Variants in EMSY observed in about 807,000 individuals in gnomAD.
The protein encoded by EMSY is EMSY transcriptional repressor, BRCA2 interacting, also known as BRCA2-interacting transcriptional repressor EMSY.
A neutral mutation model predicts 134.6 loss-of-function variants in EMSY; 26 were observed. That is an observed-to-expected ratio of 0.19 (90% CI 0.14 to 0.27). The LOEUF (loss-of-function observed/expected upper bound fraction) is 0.27. Among genes scored for constraint, EMSY ranks in the 10% least tolerant of loss-of-function variants. The pLI, the probability that EMSY is intolerant of heterozygous loss-of-function variation, is 1.00. For synonymous variants in EMSY, 579 were observed against 577.8 expected, an observed-to-expected ratio of 1.00 and a Z score of -0.03; for missense variants, 1,305 against 1,611.4, an observed-to-expected ratio of 0.81 and a Z score of 3.26.
chr11:76,490,834 T>C (rs964251946), intron 8 of EMSY, among the ~76,000 whole-genome samples: 1 of 152,096 alleles, frequency 6.6e-6, no homozygotes, highest in Non-Finnish European at 1.5e-5. Context: ...ATCTGGGTTC[T>C]GGATATGTTC....
intron 7 of EMSY, among the ~76,000 whole-genome samples, chr11:76,465,190 A>T (rs1486251379): frequency 6.6e-6 from 1 of 152,112 alleles, no homozygotes; most frequent in African/African-American, 2.4e-5. Context: ...TTATTTGCCT[A>T]TTGAACTGCC....
rs11236760 is a variant in EMSY at position 76,473,008 on chromosome 11, A to G, written c.1108+168A>G. 6.8e-3 allele frequency among the ~76,000 whole-genome samples: 1,038 copies of G among 152,270 alleles called. 11 individuals carry two copies. Among genetic ancestry groups the G allele is most frequent in the African/African-American group, 0.024 (982 of 41,552 alleles). On this transcript the variant is annotated intron_variant, in intron 8 of 20. Transcript: ENST00000334736. The stretch of plus-strand genomic sequence containing the variant: ...GAATGTCAAGATGGTCGGTGATTCC[A>G]TTTTCTTATATTAATATGCTTGCCC...
rs776045947 is a variant in EMSY at position 76,545,808 on chromosome 11, AATT to A, written c.3288_3290del (p.Ile1097del). Reference sequence around the variant, plus strand: ...CAATTTATTTTCAGGTGGAGCAGCCAATTATAACCCAAGGATCCTCTGTTACAA... The same window carrying A: ...CAATTTATTTTCAGGTGGAGCAGCCAATAACCCAAGGATCCTCTGTTACAA... On this transcript the variant is annotated inframe_deletion, in exon 20 of 21. Coordinates refer to ENST00000334736, the Ensembl canonical transcript of EMSY. The A allele has an allele frequency of 3.7e-5, 60 of 1,602,818 alleles. 1 individual carries two copies. In the East Asian group the frequency reaches 1.3e-3, roughly 36 times the overall value.
exon 17 of EMSY, chr11:76,539,601 C>G (rs763429690): frequency 3.7e-6 from 6 of 1,613,746 alleles, no homozygotes; most frequent in Non-Finnish European, 4.2e-6. Flanking sequence ...CCTTTCAGAA[C>G]GCACTGATGA....
In EMSY at chr11:76,523,140, T is replaced by C. The variant is rs2136279886; in HGVS notation, c.1685-15T>C. ...GTCCTTAACTCAGGCCTCCTTTTCTTCCCCCTTTTCTAAGGAACGACTACC... is the reference window on the plus strand; with the variant it reads ...GTCCTTAACTCAGGCCTCCTTTTCTCCCCCCTTTTCTAAGGAACGACTACC... On this transcript the variant is annotated splice_polypyrimidine_tract_variant and intron_variant, in intron 11 of 20. Transcript: ENST00000334736. 1 of 1,600,160 alleles carries C rather than the reference T, an allele frequency of 6.2e-7. No homozygotes were observed. The highest frequency in any genetic ancestry group is 1.8e-5 in the Admixed American group (1 of 56,188).
intron 10 of EMSY, 87 bp from the exon 12 acceptor site, chr11:76,516,054 AT>A: frequency 8.7e-7 from 1 of 1,145,876 alleles, no homozygotes; most frequent in South Asian, 1.7e-5. Context: ...AGCAATGTAG[AT>A]TATATGGAAT....
intron 6 of EMSY, among the ~76,000 whole-genome samples, chr11:76,462,340 T>C (rs1948156839): frequency 6.6e-6 from 1 of 152,250 alleles, no homozygotes; most frequent in Admixed American, 6.5e-5. Flanking sequence ...AGGAAGATTA[T>C]TGCTTTATGC....
chr11:76,527,999 C>T (rs984513278), intron 13 of EMSY, among the ~76,000 whole-genome samples: 2 of 151,934 alleles, frequency 1.3e-5, no homozygotes, highest in East Asian at 1.9e-4. Context: ...TAAAATGACT[C>T]CTGAAGTTGT....
At chr11:76,446,763 T>C (rs1431675672) in intron 1 of EMSY, 137 bp from the exon 2 acceptor site, 1 of 556,318 alleles carries the variant, frequency 1.8e-6, no homozygotes, top group African/African-American at 1.9e-5. Context: ...TTGGAAAGTG[T>C]GGTGGTGAGA....
exon 13 of EMSY, chr11:76,526,561 A>G (rs529177416): frequency 2.4e-5 from 39 of 1,613,914 alleles, no homozygotes; most frequent in Non-Finnish European, 3.1e-5. Context: ...GCCAAAAGGA[A>G]TAGGTTCTAC....
chr11:76,511,139 A>C (rs949734041), intron 9 of EMSY, among the ~76,000 whole-genome samples: 1 of 152,154 alleles, frequency 6.6e-6, no homozygotes, highest in Non-Finnish European at 1.5e-5. Flanking sequence ...AAGAGACTGT[A>C]GAATTCTCCA....
exon 18 of EMSY, chr11:76,542,308 G>A (rs2136690803): frequency 1.2e-6 from 2 of 1,614,072 alleles, no homozygotes; most frequent in Non-Finnish European, 1.7e-6. Flanking sequence ...ACAGACTTCG[G>A]TGGTGGTGAA....
At chr11:76,473,814 G>T (rs1386041830) in intron 8 of EMSY, among the ~76,000 whole-genome samples, 1 of 151,632 alleles carries the variant, frequency 6.6e-6, no homozygotes, top group African/African-American at 2.4e-5. Flanking sequence ...GTAACATGGT[G>T]AAACCCTGTC....
chr11:76,469,030 G>C (rs1298040373), intron 7 of EMSY, among the ~76,000 whole-genome samples: 1 of 152,016 alleles, frequency 6.6e-6, no homozygotes, highest in African/African-American at 2.4e-5. Context: ...CTCTAATGAA[G>C]GATAACTTCT....
intron 9 of EMSY, 63 bp downstream of exon 10, chr11:76,496,532 C>G (rs1284348140): frequency 6.4e-7 from 1 of 1,559,322 alleles, no homozygotes; most frequent in Admixed American, 1.7e-5. Flanking sequence ...TTTTAGTCTT[C>G]CAGTCCATGA....
At chr11:76,517,772 G>A (rs1180331263) in intron 11 of EMSY, among the ~76,000 whole-genome samples, 5 of 152,174 alleles carry the variant, frequency 3.3e-5, no homozygotes, top group Non-Finnish European at 5.9e-5. Context: ...TACTTCAAGT[G>A]CATGAGTGTA....
intron 7 of EMSY, among the ~76,000 whole-genome samples, chr11:76,466,071 ATACTT>A (rs1948339947): frequency 6.6e-6 from 1 of 152,174 alleles, no homozygotes. Flanking sequence ...CATGATATAT[ATACTT>A]TACTTATCTC....
At chr11:76,466,321 A>T (rs2135232409) in intron 7 of EMSY, among the ~76,000 whole-genome samples, 1 of 152,314 alleles carries the variant, frequency 6.6e-6, no homozygotes, top group Non-Finnish European at 1.5e-5. Flanking sequence ...TCTGGGGCTC[A>T]CAAATGCAGG....
At position 76,508,113 on chromosome 11, in the gene EMSY, C is replaced by G. The variant is rs112409256; in HGVS notation, c.1364-5273C>G. On this transcript the variant is annotated intron_variant, in intron 9 of 20. Transcript: ENST00000334736. ...CTCAAACTCCTGGGCTCAAACAATC[C>G]ACCTGCCACAGCCTCCCAAAGTGCT... Among the ~76,000 whole-genome samples, 733 of 152,136 alleles carry G rather than the reference C, an allele frequency of 4.8e-3. 4 individuals are homozygous for G. Among genetic ancestry groups the G allele is most frequent in the African/African-American group, 0.017 (695 of 41,482 alleles).
Sources: gnomAD v4.1 joint callset for allele counts (sites outside exome capture counted in the v4.1 genomes callset) on GRCh38, gnomAD v4.1.1 for gene constraint, MANE v1.5 for transcripts, NCBI Gene and HGNC (gene_info 2026-07-23, HGNC 2026-07-21) for gene names.